Variants in ZNF658 observed in about 807,000 individuals in gnomAD.
ZNF658 encodes the protein zinc finger protein 658.
Under a neutral mutation model 78.0 loss-of-function variants are expected in ZNF658, and 46 were observed. That is an observed-to-expected ratio of 0.59 (90% CI 0.47 to 0.75). The LOEUF is 0.75. Among genes scored for constraint, ZNF658 ranks in the 30% least tolerant of loss-of-function variants. The pLI, the probability that ZNF658 is intolerant of heterozygous loss-of-function variation, is 0.00. For synonymous variants in ZNF658, 279 were observed against 408.4 expected (o/e 0.68, Z 3.82); for missense variants, 785 against 1,189.3 (o/e 0.66, Z 5.00).
Position 66,920,424 on chromosome 9 carries a change from T to C in ZNF658, c.2858T>C (p.Leu953Pro). 6.2e-7 allele frequency: 1 copy of C among 1,609,898 alleles called. No homozygotes were observed. The highest frequency in any genetic ancestry group is 8.5e-7 in the Non-Finnish European group (1 of 1,179,364). Residue 953 changes from leucine to proline, a missense_variant, in exon 5 of 5, where the codon CTC becomes CCC. Around this residue, in one of 12 missense-constraint regions of ZNF658, gnomAD observed 85 missense variants for 108.6 expected, o/e 0.78. Transcript: ENST00000621410. ...AAGCCATTTGCCCATAATTCAACCC[T>C]CAGAGTACATCAAAGAATTCACACA... ...CGKPFAHNST[L>P]RVHQRIHTGE...
chr9:66,900,967 G>A (rs1293558842), intron 1 of ZNF658, 131 bp downstream of exon 1: 7 of 152,136 alleles, frequency 4.6e-5, no homozygotes, highest in Non-Finnish European at 8.8e-5. Flanking sequence ...CCGGCCCAGT[G>A]CGCGGGCCCA....
intron 1 of ZNF658, chr9:66,901,164 T>C (rs1821944307): frequency 6.6e-6 from 1 of 152,058 alleles, no homozygotes; most frequent in Admixed American, 6.5e-5. Context: ...TAATAGTCAC[T>C]ATGTGAAATG....
At position 66,920,377 on chromosome 9, in the gene ZNF658, C is replaced by A; in HGVS notation, c.2811C>A (p.Pro937=). Residue 937 remains proline, a synonymous_variant, in exon 5 of 5, where the codon CCC becomes CCA. Coordinates refer to ENST00000621410, the MANE Select transcript of ZNF658 (RefSeq NM_033160.7). ...AGAGAGTTCATACGGGGGAGAAACC[C>A]TACGAATGTAATGTATGTGGGAAGC... ...AHQRVHTGEK[P]YECNVCGKPF... 1.2e-6 allele frequency: 2 copies of A among 1,613,076 alleles called. No homozygotes were observed. The highest frequency in any genetic ancestry group is 1.7e-4 in the Middle Eastern group (1 of 5,874).
At chr9:66,903,400 G>T (rs968721440) in intron 1 of ZNF658, 118 bp from the exon 2 acceptor site, 21 of 686,254 alleles carry the variant, frequency 3.1e-5, no homozygotes, top group Non-Finnish European at 5.6e-5. Flanking sequence ...TTACAGTGGG[G>T]TTATGTCGCA....
intron 6 of ZNF658, among the ~76,000 whole-genome samples, chr9:66,929,054 A>T (rs908731140): frequency 5.9e-5 from 9 of 152,096 alleles, no homozygotes; most frequent in African/African-American, 1.9e-4. Context: ...ACAGAGACAG[A>T]GGGGTGTGAC....
At position 66,905,283 on chromosome 9, in the gene ZNF658, C is replaced by G. The variant is rs1457914275; in HGVS notation, c.15+1707C>G. 2.7e-5 allele frequency among the ~76,000 whole-genome samples: 4 copies of G among 149,646 alleles called. No individual in the cohort carries two copies. The East Asian group carries it at 7.9e-4, about 29-fold the overall frequency. On this transcript the variant is annotated intron_variant, in intron 2 of 4. Coordinates refer to ENST00000621410, the MANE Select transcript of ZNF658 (RefSeq NM_033160.7). ...TAGAGATGGGGTTTTACCATGTTGGCCAGGCTGGTCTTGAACTCTTGGCCT... is the reference window on the plus strand; with the variant it reads ...TAGAGATGGGGTTTTACCATGTTGGGCAGGCTGGTCTTGAACTCTTGGCCT...
At chr9:66,915,146 G>A (rs1184872631) in intron 4 of ZNF658, among the ~76,000 whole-genome samples, 2 of 150,882 alleles carry the variant, frequency 1.3e-5, no homozygotes, top group African/African-American at 2.4e-5. Flanking sequence ...ATTTACATAT[G>A]CAAACATAGT....
At chr9:66,928,998 A>C (rs1229330824) in intron 6 of ZNF658, among the ~76,000 whole-genome samples, 1 of 150,358 alleles carries the variant, frequency 6.7e-6, no homozygotes, top group Non-Finnish European at 1.5e-5. Flanking sequence ...AGAAATTGGC[A>C]ATACATGTTA....
In ZNF658 at chr9:66,920,277, G is replaced by A. The variant is rs773057073; in HGVS notation, c.2711G>A (p.Arg904His). 5.0e-6 allele frequency: 8 copies of A among 1,608,958 alleles called. No homozygotes were observed. The highest frequency in any genetic ancestry group is 1.4e-5 in the African/African-American group (1 of 73,914). Residue 904 changes from arginine to histidine, a missense_variant, in exon 5 of 5, where the codon CGC (arginine) becomes CAC (histidine). Transcript: ENST00000621410. ...CATCTCAGAGCACATCTTAGAACTC[G>A]CTCAGGGGAGAAACCCTATGAATGC... ...TSHLRAHLRT[R>H]SGEKPYECSE...
At position 66,914,911 on chromosome 9, in the gene ZNF658, AG is replaced by A. The variant is rs530807460; in HGVS notation, c.239-2892del. On this transcript the variant is annotated intron_variant, in intron 4 of 4. Transcript: ENST00000621410. ...CCTAATCTTGCTATGAGGATGAGGC[AG>A]GCCTTATAAAATGATTTGGGAAATA... is the stretch of plus-strand genomic sequence containing the variant. 5.1e-3 allele frequency among the ~76,000 whole-genome samples: 775 copies of A among 152,314 alleles called. 1 individual carries two copies. Among genetic ancestry groups the A allele is most frequent in the Non-Finnish European group, 8.4e-3 (569 of 68,018 alleles).
chr9:66,913,479 G>C (rs1822262901), intron 4 of ZNF658, among the ~76,000 whole-genome samples: 1 of 151,576 alleles, frequency 6.6e-6, no homozygotes, highest in African/African-American at 2.4e-5. Flanking sequence ...CAGGGGGTCA[G>C]ATCAGTGGGG....
intron 1 of ZNF658, chr9:66,901,228 T>C (rs1004476017): frequency 6.6e-6 from 1 of 152,162 alleles, no homozygotes; most frequent in Non-Finnish European, 1.5e-5. Flanking sequence ...GTATTTCACC[T>C]GACCCTCACA....
In ZNF658 at chr9:66,917,310, G is replaced by A. The variant is rs556918091; in HGVS notation, c.239-495G>A. ...TTACTACTCCACCTTGACTGGCCCC[G>A]GAAATAATACCTGTTTTATAAACAG... is the stretch of plus-strand genomic sequence containing the variant. On this transcript the variant is annotated intron_variant, in intron 4 of 4. Transcript: ENST00000621410. Among the ~76,000 whole-genome samples, 456 of 148,490 alleles carry A rather than the reference G, an allele frequency of 3.1e-3. 8 individuals are homozygous for A. The highest frequency in any genetic ancestry group is 3.7e-3 in the Non-Finnish European group (252 of 67,470).
In ZNF658 at chr9:66,918,984, G is replaced by C; in HGVS notation, c.1418G>C (p.Cys473Ser). The change falls in exon 5 of 5, where the codon TGT becomes TCT. Residue 473 changes from cysteine (C) to serine (S), a missense_variant. Physicochemically the swap from Cys to Ser is moderately radical, Grantham distance 112 (BLOSUM62 -1). Transcript: ENST00000621410. ...TKEKPCDNNG[C>S]GRSYKSPLIG... ...GAGAAACCTTGTGATAACAATGGCT[G>C]TGGGAGATCTTACAAGTCACCCCTC... 7.8e-7 allele frequency: 1 copy of C among 1,284,862 alleles called. No homozygotes were observed. Among genetic ancestry groups the C allele is most frequent in the Non-Finnish European group, 1.1e-6 (1 of 921,092 alleles). The allele number at this position is 1,284,862 out of a possible 1,614,324, so 79.6% of individuals were successfully genotyped here.
In ZNF658 at chr9:66,918,505, T is replaced by A. The variant is rs1290549765; in HGVS notation, c.939T>A (p.Thr313=). ...ATTTCAGTAGGAAGTCACCCCTCACTCAATCTCAGAGAACTATTACAGGAT... is the reference window on the plus strand; with the variant it reads ...ATTTCAGTAGGAAGTCACCCCTCACACAATCTCAGAGAACTATTACAGGAT... ...GINFSRKSPL[T]QSQRTITGWS... The change falls in exon 5 of 5, where the codon ACT becomes ACA. Residue 313 remains threonine (T), a synonymous_variant. Transcript: ENST00000621410. 6.2e-7 allele frequency: 1 copy of A among 1,606,744 alleles called. No homozygotes were observed. Among genetic ancestry groups the A allele is most frequent in the Non-Finnish European group, 8.5e-7 (1 of 1,174,184 alleles).
chr9:66,909,017 A>G (rs532375882), intron 4 of ZNF658, among the ~76,000 whole-genome samples: 1 of 152,332 alleles, frequency 6.6e-6, no homozygotes, highest in East Asian at 1.9e-4. Context: ...ACATTGTATT[A>G]GGTAGCATAA....
intron 6 of ZNF658, among the ~76,000 whole-genome samples, chr9:66,926,484 A>G (rs1242727215): frequency 2.0e-5 from 3 of 151,062 alleles, no homozygotes; most frequent in African/African-American, 7.2e-5. Context: ...CATTATCAAA[A>G]ATAATCAAAT....
rs2118076711 is a variant in ZNF658 at position 66,918,370 on chromosome 9, A to G, written c.804A>G (p.Lys268=). Residue 268 remains lysine, a synonymous_variant, in exon 5 of 5, where the codon AAA becomes AAG. Transcript: ENST00000621410. Reference sequence around the variant, plus strand: ...ACATGAGAACTGACACAAGGGGGAAATGCTCTGATCTTAATGAATATGGGA... The same window carrying G: ...ACATGAGAACTGACACAAGGGGGAAGTGCTCTGATCTTAATGAATATGGGA... ...FNHMRTDTRG[K]CSDLNEYGTS... is the part of the protein sequence containing the mutation. The G allele has an allele frequency of 6.2e-7, 1 of 1,613,920 alleles. No homozygotes were observed. Among genetic ancestry groups the G allele is most frequent in the East Asian group, 2.2e-5 (1 of 44,868 alleles).
rs1440188563 is a variant in ZNF658, at chr9:66,918,700, T to C, written c.1134T>C (p.Asp378=). Residue 378 remains aspartate (D), a synonymous_variant, in exon 5 of 5, where the codon GAT becomes GAC. Transcript: ENST00000621410. ...FTAHQRIHTE[D]KFYLSDEHGK... is the part of the protein sequence containing the mutation. ...CACATCAGAGAATTCACACAGAAGA[T>C]AAATTCTACCTTTCTGATGAACATG... 1 of 1,613,904 alleles carries C rather than the reference T, an allele frequency of 6.2e-7. No individual in the cohort carries two copies. The highest frequency in any genetic ancestry group is 1.1e-5 in the South Asian group (1 of 91,064).
Sources: gnomAD v4.1 joint callset for allele counts (sites outside exome capture counted in the v4.1 genomes callset) on GRCh38, gnomAD v4.1.1 for gene constraint, gnomAD v4.1.1 regional missense constraint, MANE v1.5 for transcripts, NCBI Gene and HGNC (gene_info 2026-07-23, HGNC 2026-07-21) for gene names.